The following PLCB1 variants were observed in gnomAD, a reference collection of about 807,000 sequenced individuals.
PLCB1 encodes the protein 1-phosphatidylinositol 4,5-bisphosphate phosphodiesterase beta-1.
A neutral mutation model predicts 161.8 loss-of-function variants in PLCB1; 46 were observed. That is an observed-to-expected ratio of 0.28 (90% CI 0.22 to 0.36). The LOEUF (loss-of-function observed/expected upper bound fraction) is 0.36. Ranked by LOEUF, PLCB1 falls within the 10% of genes least tolerant of loss-of-function variation. The pLI, the probability that PLCB1 is intolerant of heterozygous loss-of-function variation, is 1.00. For missense variants in PLCB1, 1,016 were observed against 1,472.5 expected (o/e 0.69, Z 5.07); for synonymous variants, 517 against 503.7 (o/e 1.03, Z -0.35).
chr20:8,656,734 A>G (rs1989467356), intron 7 of PLCB1, among the ~76,000 whole-genome samples: 1 of 151,578 alleles, frequency 6.6e-6, no homozygotes, highest in Non-Finnish European at 1.5e-5. Context: ...TTTCATTTTG[A>G]CTATGTCTGT....
chr20:8,512,110 C>T (rs891393393), intron 3 of PLCB1, among the ~76,000 whole-genome samples: 4 of 152,122 alleles, frequency 2.6e-5, no homozygotes, highest in African/African-American at 9.7e-5. Flanking sequence ...GGTAGTGAAA[C>T]ATTTATTGGA....
intron 31 of PLCB1, among the ~76,000 whole-genome samples, chr20:8,827,423 A>G (rs994355226): frequency 6.6e-6 from 1 of 152,254 alleles, no homozygotes; most frequent in African/African-American, 2.4e-5. Context: ...GTCCATTTTA[A>G]TGTAGGCAAG....
chr20:8,615,036 ATTATG>A (rs1310624956), intron 3 of PLCB1, among the ~76,000 whole-genome samples: 1 of 152,168 alleles, frequency 6.6e-6, no homozygotes, highest in East Asian at 1.9e-4. Flanking sequence ...CATTGTTAAT[ATTATG>A]TTGTATTTCC....
intron 31 of PLCB1, among the ~76,000 whole-genome samples, chr20:8,806,400 C>T (rs905242775): frequency 2.0e-5 from 3 of 152,124 alleles, no homozygotes; most frequent in Non-Finnish European, 2.9e-5. Flanking sequence ...TAGTTCCCCT[C>T]TCTAAAGCAG....
chr20:8,253,599 G>A (rs551442684), intron 2 of PLCB1, among the ~76,000 whole-genome samples: 1 of 152,074 alleles, frequency 6.6e-6, no homozygotes, highest in South Asian at 2.1e-4. Context: ...ATCTAGCAGT[G>A]TCTCTCTTCA....
intron 2 of PLCB1, among the ~76,000 whole-genome samples, chr20:8,252,269 G>A (rs1600263370): frequency 6.6e-6 from 1 of 151,944 alleles, no homozygotes; most frequent in Non-Finnish European, 1.5e-5. Flanking sequence ...GTCTCTGTAT[G>A]CAAAGACAGC....
In PLCB1 at chr20:8,883,396, G is replaced by GA. The variant is rs978144696; in HGVS notation, c.*1553dup. The GA allele has an allele frequency of 6.6e-6, 1 of 151,808 alleles. No individual in the cohort carries two copies. The highest frequency in any genetic ancestry group is 1.5e-5 in the Non-Finnish European group (1 of 67,896). The allele number at this position is 151,808 out of a possible 1,614,324, so 9.4% of individuals were successfully genotyped here. A position where few individuals can be genotyped will look rare whatever the true frequency, so the allele number is the denominator to read the frequency against. Reference sequence around the variant, plus strand: ...GATCAAAAGCATAATTGAAAGTTCTGAAAAAAGAAAAATAATAATATGTAG... The same window carrying GA: ...GATCAAAAGCATAATTGAAAGTTCTGAAAAAAAGAAAAATAATAATATGTAG... On this transcript the variant is annotated 3_prime_UTR_variant, in exon 32 of 32. Transcript: ENST00000338037.
At chr20:8,669,553 C>G (rs963782080) in intron 9 of PLCB1, among the ~76,000 whole-genome samples, 3 of 152,190 alleles carry the variant, frequency 2.0e-5, no homozygotes, top group African/African-American at 7.2e-5. Flanking sequence ...ACTCAGCACA[C>G]AGTTTTTTGA....
At chr20:8,665,096 G>A (rs1170214859) in intron 9 of PLCB1, among the ~76,000 whole-genome samples, 1 of 152,186 alleles carries the variant, frequency 6.6e-6, no homozygotes, top group Non-Finnish European at 1.5e-5. Context: ...ACCAGGATGT[G>A]CTTCCTAAAG....
At chr20:8,314,684 C>T (rs576979220) in intron 2 of PLCB1, among the ~76,000 whole-genome samples, 5 of 152,252 alleles carry the variant, frequency 3.3e-5, no homozygotes, top group Non-Finnish European at 5.9e-5. Flanking sequence ...ATACTAGCTA[C>T]TATTTTTTAT....
At chr20:8,237,757 A>G (rs1231251556) in intron 2 of PLCB1, among the ~76,000 whole-genome samples, 1 of 152,132 alleles carries the variant, frequency 6.6e-6, no homozygotes, top group Non-Finnish European at 1.5e-5. Context: ...CAATATAATC[A>G]GGCACCAACC....
intron 11 of PLCB1, among the ~76,000 whole-genome samples, chr20:8,699,781 A>T (rs919168260): frequency 2.0e-5 from 3 of 152,198 alleles, no homozygotes; most frequent in African/African-American, 7.2e-5. Context: ...GTGCCTAAGG[A>T]ATACGACTTT....
intron 3 of PLCB1, among the ~76,000 whole-genome samples, chr20:8,542,160 G>T (rs1985359351): frequency 6.6e-6 from 1 of 152,148 alleles, no homozygotes; most frequent in Non-Finnish European, 1.5e-5. Flanking sequence ...AGAAGTGAGT[G>T]GTCCCTGAAG....
chr20:8,259,196 T>C (rs1039133812), intron 2 of PLCB1, among the ~76,000 whole-genome samples: 3 of 152,216 alleles, frequency 2.0e-5, no homozygotes, highest in African/African-American at 7.2e-5. Context: ...TTTTGGTAAT[T>C]ACAACAAAAG....
intron 2 of PLCB1, among the ~76,000 whole-genome samples, chr20:8,194,804 C>T (rs1314701952): frequency 6.6e-6 from 1 of 152,030 alleles, no homozygotes; most frequent in African/African-American, 2.4e-5. Context: ...GTCATTGTCT[C>T]ATTGCTGGAA....
chr20:8,169,351 C>T (rs972944989), intron 2 of PLCB1, among the ~76,000 whole-genome samples: 2 of 152,162 alleles, frequency 1.3e-5, no homozygotes, highest in African/African-American at 4.8e-5. Context: ...AGACATTTAA[C>T]TCATTCTGAG....
At chr20:8,850,193 C>T (rs1259029945) in intron 31 of PLCB1, among the ~76,000 whole-genome samples, 2 of 152,182 alleles carry the variant, frequency 1.3e-5, no homozygotes, top group Non-Finnish European at 2.9e-5. Context: ...ATATTAATGT[C>T]TGTCATAGCC....
At chr20:8,764,280 G>A (rs556884226) in intron 25 of PLCB1, among the ~76,000 whole-genome samples, 1 of 152,258 alleles carries the variant, frequency 6.6e-6, no homozygotes, top group Admixed American at 6.5e-5. Context: ...ACACTTTACT[G>A]CTATATGCTT....
chr20:8,680,635 C>T (rs908854042), intron 9 of PLCB1, among the ~76,000 whole-genome samples: 8 of 152,116 alleles, frequency 5.3e-5, no homozygotes, highest in African/African-American at 1.9e-4. Flanking sequence ...TTACAAGAAG[C>T]TCACTGGTAG....
Sources: gnomAD v4.1 joint callset for allele counts (sites outside exome capture counted in the v4.1 genomes callset) on GRCh38, gnomAD v4.1.1 for gene constraint, MANE v1.5 for transcripts, NCBI Gene and HGNC (gene_info 2026-07-23, HGNC 2026-07-21) for gene names.